Variants in ARHGAP8 observed in about 807,000 individuals in gnomAD.
ARHGAP8 encodes the protein rho GTPase-activating protein 8.
Under a neutral mutation model 46.1 loss-of-function variants are expected in ARHGAP8, and 62 were observed. That is an observed-to-expected ratio of 1.34 (90% CI 1.10 to 1.66). The LOEUF is 1.66. Ranked by LOEUF, ARHGAP8 falls within the 40% of genes most tolerant of loss-of-function variation. ARHGAP8 has a pLI of 0.00. For missense variants in ARHGAP8, 923 were observed against 568.4 expected (o/e 1.62, Z -6.34); for synonymous variants, 375 against 243.1 (o/e 1.54, Z -5.05).
chr22:44,809,435 A>C, intron 4 of ARHGAP8: 1 of 351,566 alleles, frequency 2.8e-6, no homozygotes, highest in Non-Finnish European at 5.6e-6. Flanking sequence ...CCGTTTCTTC[A>C]CTAAAGCCTC....
intron 4 of ARHGAP8, chr22:44,809,090 G>T: frequency 2.1e-6 from 1 of 470,000 alleles, no homozygotes. Flanking sequence ...CAAAGTACTG[G>T]GATTACAGGC....
At chr22:44,848,888 C>A in intron 9 of ARHGAP8, 44 bp from the exon 10 acceptor site, 1 of 1,609,936 alleles carries the variant, frequency 6.2e-7, no homozygotes. Context: ...CGGCAGTGCC[C>A]AGGCCGGGGT....
At chr22:44,811,649 C>A (rs998058915) in intron 4 of ARHGAP8, among the ~76,000 whole-genome samples, 6 of 152,112 alleles carry the variant, frequency 3.9e-5, no homozygotes, top group Non-Finnish European at 7.4e-5. Flanking sequence ...ATCAAACTAC[C>A]CAAAAGTGTA....
chr22:44,839,499 T>A (rs1931511591), intron 7 of ARHGAP8, among the ~76,000 whole-genome samples: 1 of 152,180 alleles, frequency 6.6e-6, no homozygotes, highest in African/African-American at 2.4e-5. Context: ...GTGCACCTGA[T>A]AAATCATCTG....
Position 44,776,408 on chromosome 22 carries a change from C to T in ARHGAP8, c.-71-10049C>T, listed in dbSNP as rs1484096946. ...CGGACATTGCAGTGAGCTGAGGTCG[C>T]GCCATTGCACTCCAGCCTGGACAAT... On this transcript the variant is annotated intron_variant, in intron 1 of 11. Transcript: ENST00000356099. 5.9e-5 allele frequency among the ~76,000 whole-genome samples: 9 copies of T among 151,416 alleles called. No homozygotes were observed. In the South Asian group the frequency reaches 6.3e-4, roughly 11 times the overall value.
At chr22:44,785,740 C>G (rs1452601778) in intron 1 of ARHGAP8, among the ~76,000 whole-genome samples, 1 of 152,112 alleles carries the variant, frequency 6.6e-6, no homozygotes, top group Non-Finnish European at 1.5e-5. Flanking sequence ...TCTAAGAACC[C>G]TGATTGGTTT....
intron 1 of ARHGAP8, among the ~76,000 whole-genome samples, chr22:44,755,640 G>A (rs1924610084): frequency 6.6e-6 from 1 of 152,200 alleles, no homozygotes; most frequent in Non-Finnish European, 1.5e-5. Flanking sequence ...CTGGCAGCCT[G>A]TTGTGTCCAG....
At chr22:44,808,590 C>A in intron 4 of ARHGAP8, 152 bp downstream of exon 4, 1 of 1,374,912 alleles carries the variant, frequency 7.3e-7, no homozygotes, top group Non-Finnish European at 9.9e-7. Flanking sequence ...AGTGGAGGTT[C>A]ACCTCCCCTC....
chr22:44,838,433 G>A (rs112266193), intron 7 of ARHGAP8, among the ~76,000 whole-genome samples: 2,927 of 151,962 alleles, frequency 0.019, 47 homozygotes, highest in Middle Eastern at 0.048. Flanking sequence ...ACCGTACCCG[G>A]CCTTAATTTT....
At chr22:44,805,585 A>G (rs895870847) in intron 3 of ARHGAP8, among the ~76,000 whole-genome samples, 2 of 152,202 alleles carry the variant, frequency 1.3e-5, no homozygotes, top group Admixed American at 6.5e-5. Flanking sequence ...GAACAGTTGT[A>G]TAGGTTGTTC....
intron 1 of ARHGAP8, among the ~76,000 whole-genome samples, chr22:44,770,145 G>A (rs1925889881): frequency 6.6e-6 from 1 of 152,184 alleles, no homozygotes; most frequent in Non-Finnish European, 1.5e-5. Flanking sequence ...TCTGGAGACT[G>A]AGGCAGGAGA....
At chr22:44,796,419 G>C (rs554475495) in intron 2 of ARHGAP8, among the ~76,000 whole-genome samples, 1 of 152,098 alleles carries the variant, frequency 6.6e-6, no homozygotes, top group African/African-American at 2.4e-5. Flanking sequence ...GTTCCCTCGA[G>C]GTAGCTCTAA....
At chr22:44,752,767 C>T (rs2146972487) in intron 1 of ARHGAP8, 140 bp downstream of exon 1, 1 of 151,774 alleles carries the variant, frequency 6.6e-6, no homozygotes, top group South Asian at 2.1e-4. Context: ...GGGCGCGACG[C>T]CACGTGCGGC....
intron 7 of ARHGAP8, among the ~76,000 whole-genome samples, chr22:44,830,729 A>C (rs780510191): frequency 6.6e-6 from 1 of 150,850 alleles, no homozygotes; most frequent in Non-Finnish European, 1.5e-5. Flanking sequence ...AATAGAGACG[A>C]GGTTTCACCA....
At chr22:44,786,738 G>T in intron 2 of ARHGAP8, 132 bp downstream of exon 2, 1 of 1,329,608 alleles carries the variant, frequency 7.5e-7, no homozygotes. Flanking sequence ...ATTAGAGCCA[G>T]GTGCAGTGGC....
At chr22:44,771,718 C>T (rs1161166206) in intron 1 of ARHGAP8, among the ~76,000 whole-genome samples, 1 of 151,264 alleles carries the variant, frequency 6.6e-6, no homozygotes, top group Admixed American at 6.6e-5. Context: ...ACACGCCTGG[C>T]TAATTTTTGT....
intron 10 of ARHGAP8, among the ~76,000 whole-genome samples, chr22:44,859,310 T>TAGTG (rs371200076): frequency 5.3e-4 from 80 of 152,144 alleles, no homozygotes; most frequent in African/African-American, 1.8e-3. Context: ...GTCCTCGAGA[T>TAGTG]AGTGAGTTCT....
chr22:44,829,112 A>C (rs1295869286), intron 7 of ARHGAP8, among the ~76,000 whole-genome samples: 2 of 132,778 alleles, frequency 1.5e-5, no homozygotes, highest in African/African-American at 5.9e-5. Context: ...ATCTCTACTA[A>C]AAATACAAAA....
chr22:44,810,236 CTTTTTTTT>C (rs58029838), intron 4 of ARHGAP8, among the ~76,000 whole-genome samples: 1 of 98,868 alleles, frequency 1.0e-5, no homozygotes, highest in East Asian at 3.1e-4. Flanking sequence ...ATATGGCAGC[CTTTTTTTT>C]TTTTTTTTTT....
Sources: gnomAD v4.1 joint callset for allele counts (sites outside exome capture counted in the v4.1 genomes callset) on GRCh38, gnomAD v4.1.1 for gene constraint, MANE v1.5 for transcripts, NCBI Gene and HGNC (gene_info 2026-07-23, HGNC 2026-07-21) for gene names.